Variants in TRIM55 observed in about 807,000 individuals in gnomAD.
The protein encoded by TRIM55 is tripartite motif-containing protein 55.
Under a neutral mutation model 60.9 loss-of-function variants are expected in TRIM55, and 50 were observed. The observed-to-expected ratio is 0.82, with a 90% CI of 0.65 to 1.04. TRIM55 has a LOEUF of 1.04. TRIM55 is among the 50% of genes least tolerant of loss of function. TRIM55 has a pLI of 0.00. For synonymous variants in TRIM55, 237 were observed against 238.1 expected (o/e 1.00, Z 0.04); for missense variants, 681 against 666.9 (o/e 1.02, Z -0.23).
chr8:66,148,713 T>A (rs549234773), intron 4 of TRIM55, among the ~76,000 whole-genome samples: 1 of 152,212 alleles, frequency 6.6e-6, no homozygotes, highest in South Asian at 2.1e-4. Flanking sequence ...GTTAGGAAGT[T>A]TAAGTGTTAT....
intron 9 of TRIM55, among the ~76,000 whole-genome samples, chr8:66,163,083 C>T (rs1811138370): frequency 6.6e-6 from 1 of 151,956 alleles, no homozygotes; most frequent in African/African-American, 2.4e-5. Flanking sequence ...GTATTTTGTA[C>T]CATTGATATA....
chr8:66,149,895 C>T lies in TRIM55; in HGVS notation c.837+17C>T. On this transcript the variant is annotated intron_variant, in intron 5 of 9. Coordinates refer to ENST00000315962, the MANE Select transcript of TRIM55 (RefSeq NM_184085.2). The stretch of plus-strand genomic sequence containing the variant: ...TTTCTGCAGGTAAGTCTCTTTTTGG[C>T]ACCAAAGTAACAACCCAAAAGGTGG... The T allele has an allele frequency of 6.3e-7, 1 of 1,594,220 alleles. No homozygotes were observed. The highest frequency in any genetic ancestry group is 1.3e-5 in the African/African-American group (1 of 74,648).
At chr8:66,171,325 A>G (rs1044483793) in intron 9 of TRIM55, among the ~76,000 whole-genome samples, 1 of 149,430 alleles carries the variant, frequency 6.7e-6, no homozygotes, top group African/African-American at 2.5e-5. Context: ...GCTCCCACTG[A>G]TAAGTGAGAA....
chr8:66,168,197 A>T (rs1389752383), intron 9 of TRIM55, among the ~76,000 whole-genome samples: 4 of 152,174 alleles, frequency 2.6e-5, no homozygotes, highest in Non-Finnish European at 5.9e-5. Flanking sequence ...AAATGTCTGC[A>T]TTCCTGTGAA....
chr8:66,155,460 G>A (rs7832842), intron 9 of TRIM55, among the ~76,000 whole-genome samples: 4,135 of 152,300 alleles, frequency 0.027, 172 homozygotes, highest in African/African-American at 0.093. Context: ...ATACATGGTA[G>A]TAGAAGCTGT....
At chr8:66,137,010 C>G (rs1809514101) in intron 3 of TRIM55, 85 bp from the exon 4 acceptor site, 1 of 1,140,782 alleles carries the variant, frequency 8.8e-7, no homozygotes, top group Admixed American at 2.2e-5. Context: ...AATTAAGAAC[C>G]TGTAAAGACA....
At position 66,175,297 on chromosome 8, in the gene TRIM55, A is replaced by C. The variant is rs540916225; in HGVS notation, c.*704A>C. 6.6e-6 allele frequency: 1 copy of C among 152,330 alleles called. No homozygotes were observed. 9.4% of individuals were successfully genotyped at this position (152,330 alleles called of 1,614,324 possible). A position where few individuals can be genotyped will look rare whatever the true frequency, so the allele number is the denominator to read the frequency against. On this transcript the variant is annotated 3_prime_UTR_variant, in exon 10 of 10. Transcript: ENST00000315962. ...GCAAAAGCTGTCTACTTTCTCTTTT[A>C]TTCACTGTGGCACCAATCTGGTAAA... is the stretch of plus-strand genomic sequence containing the variant.
intron 4 of TRIM55, among the ~76,000 whole-genome samples, chr8:66,137,460 A>G (rs532696674): frequency 6.6e-6 from 1 of 152,320 alleles, no homozygotes; most frequent in Admixed American, 6.5e-5. Flanking sequence ...GCTACAAGAA[A>G]ATTAAATCCC....
chr8:66,147,167 C>T (rs2128978903), intron 4 of TRIM55, among the ~76,000 whole-genome samples: 1 of 152,282 alleles, frequency 6.6e-6, no homozygotes, highest in South Asian at 2.1e-4. Flanking sequence ...ACTGTGAGCT[C>T]CTTGAGAATA....
intron 2 of TRIM55, among the ~76,000 whole-genome samples, chr8:66,131,001 A>T (rs2128973332): frequency 6.6e-6 from 1 of 152,116 alleles, no homozygotes; most frequent in Non-Finnish European, 1.5e-5. Context: ...ATGGTGCCAG[A>T]CTAGCCACAG....
At chr8:66,160,976 A>G (rs533500673) in intron 9 of TRIM55, among the ~76,000 whole-genome samples, 2 of 150,960 alleles carry the variant, frequency 1.3e-5, no homozygotes, top group East Asian at 2.0e-4. Context: ...TGGGTTGTCT[A>G]TTAACTCTGC....
At chr8:66,132,702 C>T (rs1809233049) in intron 2 of TRIM55, among the ~76,000 whole-genome samples, 1 of 152,148 alleles carries the variant, frequency 6.6e-6, no homozygotes, top group Non-Finnish European at 1.5e-5. Context: ...CATTCTTTTA[C>T]ATGCCAAATC....
intron 9 of TRIM55, chr8:66,155,732 C>G: frequency 6.8e-7 from 1 of 1,470,750 alleles, no homozygotes. Flanking sequence ...TTTCTTTTCC[C>G]TTGACTAACA....
chr8:66,135,055 G>C lies in TRIM55; in HGVS notation c.407G>C (p.Cys136Ser), dbSNP rs762491724. 5.0e-6 allele frequency: 8 copies of C among 1,614,192 alleles called. No individual in the cohort carries two copies. The East Asian group carries it at 1.3e-4, about 27-fold the overall frequency. ...EHEEERINIY[C>S]LNCEVPTCSL... is the part of the protein sequence containing the mutation. Reference sequence around the variant, plus strand: ...GAAGAGGAGCGCATCAACATCTACTGTCTGAACTGCGAAGTACCCACCTGC... The same window carrying C: ...GAAGAGGAGCGCATCAACATCTACTCTCTGAACTGCGAAGTACCCACCTGC... Residue 136 changes from cysteine (C) to serine (S), a missense_variant, in exon 3 of 10, where the codon TGT becomes TCT. Coordinates refer to ENST00000315962, the MANE Select transcript of TRIM55 (RefSeq NM_184085.2).
rs186448637 is a variant in TRIM55, at chr8:66,140,837, C to T, written c.603+3647C>T. The stretch of plus-strand genomic sequence containing the variant: ...GCTCCCACCTGCCCAGAAACATGTT[C>T]TGAGAAGCTATGAGTGGTTCCTGGC... On this transcript the variant is annotated intron_variant, in intron 4 of 9. Transcript: ENST00000315962. Among the ~76,000 whole-genome samples, 775 of 152,320 alleles carry T rather than the reference C, an allele frequency of 5.1e-3. 3 individuals are homozygous for T. The highest frequency in any genetic ancestry group is 0.02 in the Middle Eastern group (6 of 294).
At chr8:66,130,784 C>T (rs1226872698) in intron 2 of TRIM55, among the ~76,000 whole-genome samples, 1 of 151,774 alleles carries the variant, frequency 6.6e-6, no homozygotes, top group Non-Finnish European at 1.5e-5. Flanking sequence ...TCTCAGCCTC[C>T]CAAGTAGCTG....
In TRIM55 at chr8:66,175,381, T is replaced by C. The variant is rs894628727; in HGVS notation, c.*788T>C. 3 of 152,202 alleles carry C rather than the reference T, an allele frequency of 2.0e-5. No individual in the cohort carries two copies. Among genetic ancestry groups the C allele is most frequent in the Admixed American group, 1.3e-4 (2 of 15,286 alleles). The allele number at this position is 152,202 out of a possible 1,614,324, so 9.4% of individuals were successfully genotyped here. ...ACAAACATATCACACATTAAATATATATATATTTAAATCATGCTTTGTTAA... is the reference window on the plus strand; with the variant it reads ...ACAAACATATCACACATTAAATATACATATATTTAAATCATGCTTTGTTAA... On this transcript the variant is annotated 3_prime_UTR_variant, in exon 10 of 10. Coordinates refer to ENST00000315962, the MANE Select transcript of TRIM55 (RefSeq NM_184085.2).
At chr8:66,118,820 A>AGT in the TRIM55 span, among the ~76,000 whole-genome samples, 1 of 152,168 alleles carries the variant, frequency 6.6e-6, no homozygotes, top group African/African-American at 2.4e-5. Flanking sequence ...TCCCAGATGA[A>AGT]GTGTGGCCTT....
chr8:66,152,161 A>G (rs1810465358), intron 7 of TRIM55: 3 of 609,618 alleles, frequency 4.9e-6, no homozygotes, highest in Non-Finnish European at 8.5e-6. Context: ...GGGGAGGAGA[A>G]CAAGGAGGAT....
Sources: gnomAD v4.1 joint callset for allele counts (sites outside exome capture counted in the v4.1 genomes callset) on GRCh38, gnomAD v4.1.1 for gene constraint, MANE v1.5 for transcripts, NCBI Gene and HGNC (gene_info 2026-07-23, HGNC 2026-07-21) for gene names.